MAD1L1: variants seen among roughly 807,000 people sequenced by gnomAD.
The protein encoded by MAD1L1 is mitotic arrest deficient 1 like 1.
A neutral mutation model predicts 96.9 loss-of-function variants in MAD1L1; 95 were observed. That is an observed-to-expected ratio of 0.98 (90% CI 0.83 to 1.16). MAD1L1 has a LOEUF of 1.16. Among genes scored for constraint, MAD1L1 ranks in the 50% most tolerant of loss-of-function variants. The pLI is 0.00. For missense variants in MAD1L1, 1,007 were observed against 954.4 expected (o/e 1.06, Z -0.73); for synonymous variants, 473 against 396.6 (o/e 1.19, Z -2.29).
chr7:2,119,079 C>T lies in MAD1L1; in HGVS notation c.1073+30073G>A, dbSNP rs144415349. Among the ~76,000 whole-genome samples, 1,853 of 152,070 alleles carry T rather than the reference C, an allele frequency of 0.012. 28 individuals are homozygous for T. The highest frequency in any genetic ancestry group is 0.042 in the African/African-American group (1,751 of 41,478). On this transcript the variant is annotated intron_variant, in intron 11 of 18. Coordinates refer to ENST00000265854, the MANE Select transcript of MAD1L1 (RefSeq NM_001013836.2). The surrounding 1 kb of genome is among the most constrained non-coding windows in gnomAD (Gnocchi z 4.6). ...GCGGACAAGCAGGAGCGGCTGGGCTCGAGCTCCAGGGCTTCAGGGTGACTG... is the reference window on the plus strand; with the variant it reads ...GCGGACAAGCAGGAGCGGCTGGGCTTGAGCTCCAGGGCTTCAGGGTGACTG...
chr7:1,993,168 C>T (rs11764590), intron 14 of MAD1L1, among the ~76,000 whole-genome samples: 25,685 of 152,256 alleles, frequency 0.17, 2,710 homozygotes, highest in South Asian at 0.31. Context: ...CCGCCCCCAA[C>T]GCCCAAAAGA....
chr7:2,153,637 T>C lies in MAD1L1; in HGVS notation c.987-4399A>G, dbSNP rs562219149. Among the ~76,000 whole-genome samples the C allele has an allele frequency of 2.0e-5, 3 of 152,334 alleles. No individual in the cohort carries two copies. The South Asian group carries it at 6.2e-4, about 32-fold the overall frequency. On this transcript the variant is annotated intron_variant, in intron 10 of 18. Coordinates refer to ENST00000265854, the MANE Select transcript of MAD1L1 (RefSeq NM_001013836.2). ...AGTACCACCGCTATGGAACCCAGTATGGAGATTTCTCAAAAAGCTGAAAAC... is the reference window on the plus strand; with the variant it reads ...AGTACCACCGCTATGGAACCCAGTACGGAGATTTCTCAAAAAGCTGAAAAC...
chr7:1,840,007 C>T (rs1318030026), intron 18 of MAD1L1, among the ~76,000 whole-genome samples: 1 of 152,248 alleles, frequency 6.6e-6, no homozygotes, highest in East Asian at 1.9e-4. Context: ...GCTGCGCATC[C>T]AGCACCTGCA....
In MAD1L1 at chr7:2,215,828, C is replaced by T. The variant is rs997681201; in HGVS notation, c.924+57G>A. The T allele has an allele frequency of 3.3e-6, 5 of 1,502,910 alleles. No homozygotes were observed. In the African/African-American group the frequency reaches 6.9e-5, roughly 21 times the overall value. 93.1% of individuals were successfully genotyped at this position (1,502,910 alleles called of 1,614,324 possible). A position where few individuals can be genotyped will look rare whatever the true frequency, so the allele number is the denominator to read the frequency against. ...GGTGGGCGTGACCACAATACCGAGGCTCCTCCAGGCAGGGCAGAGGACACC... is the reference window on the plus strand; with the variant it reads ...GGTGGGCGTGACCACAATACCGAGGTTCCTCCAGGCAGGGCAGAGGACACC... On this transcript the variant is annotated intron_variant, in intron 9 of 18. Transcript: ENST00000265854.
chr7:1,881,632 C>T, intron 18 of MAD1L1, among the ~76,000 whole-genome samples: 1 of 152,194 alleles, frequency 6.6e-6, no homozygotes, highest in East Asian at 1.9e-4. Context: ...CATTAAACAC[C>T]ATCATCGAGG....
intron 10 of MAD1L1, among the ~76,000 whole-genome samples, chr7:2,152,109 C>CCCTGAGGCAGAAGGCTGGCG (rs1789605852): frequency 6.6e-6 from 1 of 152,244 alleles, no homozygotes; most frequent in Admixed American, 6.5e-5. Flanking sequence ...GCATGGCTTG[C>CCCTGAGGCAGAAGGCTGGCG]CCTGAGGCAG....
At chr7:2,035,118 G>A (rs1033464132) in intron 12 of MAD1L1, among the ~76,000 whole-genome samples, 2 of 152,262 alleles carry the variant, frequency 1.3e-5, no homozygotes, top group Admixed American at 6.5e-5. Flanking sequence ...TGCCAGACAC[G>A]ATGTGGGAGA....
chr7:2,129,884 G>A (rs951655476), intron 11 of MAD1L1, among the ~76,000 whole-genome samples: 3 of 152,232 alleles, frequency 2.0e-5, no homozygotes, highest in African/African-American at 7.2e-5. Flanking sequence ...TGGGTCAGCA[G>A]GTGCAGACGG....
intron 17 of MAD1L1, among the ~76,000 whole-genome samples, chr7:1,920,801 C>T (rs1165496500): frequency 5.9e-5 from 9 of 152,238 alleles, no homozygotes; most frequent in Admixed American, 5.9e-4. Flanking sequence ...GCATGCAAGA[C>T]AACATCACCT....
At chr7:1,989,786 T>C (rs1056183738) in intron 14 of MAD1L1, among the ~76,000 whole-genome samples, 17 of 152,188 alleles carry the variant, frequency 1.1e-4, no homozygotes, top group African/African-American at 3.9e-4. Context: ...CCAGCCTCAG[T>C]GTAGGCCGGC....
At chr7:1,917,664 G>A (rs1044518179) in intron 17 of MAD1L1, among the ~76,000 whole-genome samples, 6 of 152,338 alleles carry the variant, frequency 3.9e-5, no homozygotes, top group Middle Eastern at 6.8e-3. Flanking sequence ...GTGTCGCGGC[G>A]ACGGAGCTGC....
chr7:2,093,490 G>A (rs1431692114), intron 11 of MAD1L1, among the ~76,000 whole-genome samples: 1 of 152,204 alleles, frequency 6.6e-6, no homozygotes, highest in African/African-American at 2.4e-5. Context: ...GAGGGACGAC[G>A]GGAAACCTTT....
At chr7:2,141,576 G>A (rs1171606107) in intron 11 of MAD1L1, among the ~76,000 whole-genome samples, 2 of 152,192 alleles carry the variant, frequency 1.3e-5, no homozygotes, top group East Asian at 3.8e-4. Context: ...ATGAGGGAGG[G>A]AGGCCCCAAG....
intron 10 of MAD1L1, among the ~76,000 whole-genome samples, chr7:2,188,284 A>G (rs181751146): frequency 6.6e-6 from 1 of 152,394 alleles, no homozygotes; most frequent in East Asian, 1.9e-4. Context: ...CTAGACGTTC[A>G]ATGCAATCCC....
chr7:2,232,870 A>ACCTCAGCCGCTCGCAGCCAGCTTG lies in MAD1L1; in HGVS notation c.-212_-190+1dup, dbSNP rs1317371356. 1 of 151,864 alleles carries ACCTCAGCCGCTCGCAGCCAGCTTG rather than the reference A, an allele frequency of 6.6e-6. No individual in the cohort carries two copies. The highest frequency in any genetic ancestry group is 6.5e-5 in the Admixed American group (1 of 15,268). The allele number at this position is 151,864 out of a possible 1,614,324, so 9.4% of individuals were successfully genotyped here. A position where few individuals can be genotyped will look rare whatever the true frequency, so the allele number is the denominator to read the frequency against. ...GCCGCCCGCGCGAGCCGGGCCGCTT[A>ACCTCAGCCGCTCGCAGCCAGCTTG]CCTCAGCCGCTCGCAGCCAGCTTGC... is the stretch of plus-strand genomic sequence containing the variant. On this transcript the variant is annotated splice_donor_variant, in intron 1 of 18. Transcript: ENST00000265854. LOFTEE classifies it low-confidence loss of function (5UTR_SPLICE).
At chr7:2,064,007 A>G (rs1413682797) in intron 12 of MAD1L1, among the ~76,000 whole-genome samples, 2 of 152,150 alleles carry the variant, frequency 1.3e-5, no homozygotes, top group Non-Finnish European at 2.9e-5. Flanking sequence ...GGGGGCCTGG[A>G]GCCTCTCCCG....
chr7:2,071,122 C>T (rs959912782), intron 11 of MAD1L1, among the ~76,000 whole-genome samples: 70 of 150,974 alleles, frequency 4.6e-4, no homozygotes, highest in African/African-American at 1.5e-3. Flanking sequence ...AGCTTCATCC[C>T]GGGGCTGGGG....
chr7:1,993,743 T>C (rs1279072374), intron 14 of MAD1L1, among the ~76,000 whole-genome samples: 2 of 152,238 alleles, frequency 1.3e-5, no homozygotes, highest in Non-Finnish European at 2.9e-5. Context: ...CATCTTCTCA[T>C]AAGATCTTTG....
intron 17 of MAD1L1, among the ~76,000 whole-genome samples, chr7:1,898,821 C>T (rs73048122): frequency 0.033 from 4,980 of 152,292 alleles, 192 homozygotes; most frequent in Admixed American, 0.096. Context: ...AGGCGAGAAC[C>T]GCGTGAGGAG....
Sources: gnomAD v4.1 joint callset for allele counts (sites outside exome capture counted in the v4.1 genomes callset) on GRCh38, gnomAD v4.1.1 for gene constraint, Gnocchi (gnomAD v3.1) non-coding constraint, MANE v1.5 for transcripts, NCBI Gene and HGNC (gene_info 2026-07-23, HGNC 2026-07-21) for gene names.